Variants in HMBOX1 observed in about 807,000 individuals in gnomAD.
HMBOX1 encodes the protein homeobox containing 1.
HMBOX1 carries 14 observed loss-of-function variants against 54.5 expected under a neutral mutation model. The observed-to-expected ratio is 0.26, with a 90% CI of 0.17 to 0.40. The LOEUF is 0.40. HMBOX1 is among the 10% of genes least tolerant of loss of function. HMBOX1 has a pLI of 1.00. For missense variants in HMBOX1, 332 were observed against 514.4 expected (o/e 0.65, Z 3.43); for synonymous variants, 160 against 181.0 (o/e 0.88, Z 0.93).
chr8:28,936,039 T>G (rs1407663503), intron 1 of HMBOX1, among the ~76,000 whole-genome samples: 1 of 152,144 alleles, frequency 6.6e-6, no homozygotes, highest in African/African-American at 2.4e-5. Context: ...CTATTCTTAT[T>G]TAATGTATCA....
intron 1 of HMBOX1, among the ~76,000 whole-genome samples, chr8:28,917,406 A>G (rs372461862): frequency 6.6e-6 from 1 of 152,126 alleles, no homozygotes; most frequent in African/African-American, 2.4e-5. Flanking sequence ...TTATCCTTGT[A>G]TCTTATAGCC....
At chr8:28,958,870 A>G (rs1824958509) in intron 1 of HMBOX1, among the ~76,000 whole-genome samples, 1 of 152,134 alleles carries the variant, frequency 6.6e-6, no homozygotes. Flanking sequence ...TGATATAATC[A>G]TGTAATTTCT....
chr8:28,946,821 T>C (rs891322394), intron 1 of HMBOX1, among the ~76,000 whole-genome samples: 7 of 152,186 alleles, frequency 4.6e-5, no homozygotes. Context: ...TCGTTATATT[T>C]GGTTGCATAC....
At chr8:29,022,409 C>A (rs1355332968) in intron 6 of HMBOX1, among the ~76,000 whole-genome samples, 2 of 152,054 alleles carry the variant, frequency 1.3e-5, no homozygotes, top group Non-Finnish European at 2.9e-5. Context: ...CAGAGAAAGA[C>A]CCTATCTCAA....
intron 6 of HMBOX1, 25 bp downstream of exon 6, chr8:29,018,938 T>C: frequency 6.2e-7 from 1 of 1,611,844 alleles, no homozygotes; most frequent in Non-Finnish European, 8.5e-7. Flanking sequence ...TTTCTACGAA[T>C]GATCTCCCAA....
At chr8:28,962,882 C>G (rs1825846553) in intron 1 of HMBOX1, among the ~76,000 whole-genome samples, 1 of 152,080 alleles carries the variant, frequency 6.6e-6, no homozygotes, top group South Asian at 2.1e-4. Context: ...CTCCCCACCT[C>G]CCGCCATTTA....
chr8:28,978,786 CAAAAAAAAA>C (rs36075812), intron 3 of HMBOX1, among the ~76,000 whole-genome samples: 3 of 95,842 alleles, frequency 3.1e-5, no homozygotes, highest in African/African-American at 1.3e-4. Flanking sequence ...GACTCCGTCT[CAAAAAAAAA>C]AAAAAAAAAA....
chr8:28,925,070 A>G (rs1171442409), intron 1 of HMBOX1, among the ~76,000 whole-genome samples: 1 of 151,794 alleles, frequency 6.6e-6, no homozygotes, highest in Non-Finnish European at 1.5e-5. Flanking sequence ...TGGATTCACC[A>G]TCTGTTTTTG....
rs1395208815 is a variant in HMBOX1, at chr8:29,051,036, A to G, written c.1144A>G (p.Ser382Gly). 1 of 1,613,256 alleles carries G rather than the reference A, an allele frequency of 6.2e-7. No homozygotes were observed. The highest frequency in any genetic ancestry group is 1.7e-5 in the Admixed American group (1 of 59,866). The change falls in exon 10 of 10, where the codon AGT becomes GGT. Residue 382 changes from serine to glycine, a missense_variant. Around this residue, in one of 4 missense-constraint regions of HMBOX1, gnomAD observed 69 missense variants for 104.6 expected, o/e 0.66. Coordinates refer to ENST00000287701, the MANE Select transcript of HMBOX1 (RefSeq NM_001135726.3). ...YSEQDDSTSHSDHQDPISLAV... is the reference protein window; with the variant it reads ...YSEQDDSTSHGDHQDPISLAV... ...CATCTAGGATGACAGTACGAGCCATAGTGACCACCAAGACCCCATCTCATT... is the reference window on the plus strand; with the variant it reads ...CATCTAGGATGACAGTACGAGCCATGGTGACCACCAAGACCCCATCTCATT...
At chr8:28,920,318 A>G (rs896668634) in intron 1 of HMBOX1, among the ~76,000 whole-genome samples, 4 of 152,204 alleles carry the variant, frequency 2.6e-5, no homozygotes, top group South Asian at 2.1e-4. Flanking sequence ...GCCTTGGAAT[A>G]TAGTTGTGAA....
chr8:29,017,947 G>T (rs1336912796), intron 5 of HMBOX1, among the ~76,000 whole-genome samples: 2 of 152,136 alleles, frequency 1.3e-5, no homozygotes, highest in Admixed American at 6.5e-5. Context: ...CTACACCTGT[G>T]TTAAGCATTT....
At chr8:28,894,890 C>A (rs1811784646) in intron 1 of HMBOX1, among the ~76,000 whole-genome samples, 1 of 149,160 alleles carries the variant, frequency 6.7e-6, no homozygotes, top group Admixed American at 6.7e-5. Flanking sequence ...TTAGTGTAAT[C>A]TTAATGCAAT....
chr8:28,924,693 A>G (rs1302478984), intron 1 of HMBOX1: 1 of 151,580 alleles, frequency 6.6e-6, no homozygotes, highest in African/African-American at 2.4e-5. Flanking sequence ...GCTCACCACA[A>G]CCTCCGCCTC....
Position 29,053,052 on chromosome 8 carries a change from T to G in HMBOX1, c.*1897T>G, listed in dbSNP as rs1351746742. On this transcript the variant is annotated 3_prime_UTR_variant, in exon 10 of 10. Coordinates refer to ENST00000287701, the MANE Select transcript of HMBOX1 (RefSeq NM_001135726.3). ...ATACTGAATATCCGCCAGTTTGTAG[T>G]TGGTTTCCTTCCACTTAAGGCACAC... 1.3e-5 allele frequency: 2 copies of G among 152,634 alleles called. No individual in the cohort carries two copies. The highest frequency in any genetic ancestry group is 2.4e-5 in the African/African-American group (1 of 41,444). The allele number at this position is 152,634 out of a possible 1,614,324, so 9.5% of individuals were successfully genotyped here.
chr8:29,042,711 C>T (rs1467280565), intron 6 of HMBOX1: 1 of 456,082 alleles, frequency 2.2e-6, no homozygotes, highest in Admixed American at 2.3e-5. Context: ...AGGAGATTGG[C>T]TGGACAGGTA....
At chr8:28,986,907 A>G (rs892838706) in intron 4 of HMBOX1, among the ~76,000 whole-genome samples, 2 of 152,112 alleles carry the variant, frequency 1.3e-5, no homozygotes, top group African/African-American at 4.8e-5. Flanking sequence ...CCAAATGCCC[A>G]TATTTTCTTA....
intron 1 of HMBOX1, among the ~76,000 whole-genome samples, chr8:28,914,145 G>T (rs370393296): frequency 5.3e-5 from 8 of 152,126 alleles, no homozygotes; most frequent in African/African-American, 1.4e-4. Context: ...TGGGATTACA[G>T]GCGTGAGCTA....
At chr8:28,960,919 TG>T (rs1204024482) in intron 1 of HMBOX1, among the ~76,000 whole-genome samples, 4 of 151,632 alleles carry the variant, frequency 2.6e-5, no homozygotes, top group Admixed American at 6.6e-5. Context: ...CCTGAGCAGC[TG>T]GGACTACAGG....
intron 1 of HMBOX1, among the ~76,000 whole-genome samples, chr8:28,951,921 A>C (rs1823485188): frequency 6.6e-6 from 1 of 152,182 alleles, no homozygotes; most frequent in East Asian, 1.9e-4. Context: ...TAATCCCAGC[A>C]CTTTAAGAGG....
Sources: gnomAD v4.1 joint callset for allele counts (sites outside exome capture counted in the v4.1 genomes callset) on GRCh38, gnomAD v4.1.1 for gene constraint, gnomAD v4.1.1 regional missense constraint, MANE v1.5 for transcripts, NCBI Gene and HGNC (gene_info 2026-07-23, HGNC 2026-07-21) for gene names.